Variants in GLB1 observed in about 807,000 individuals in gnomAD.
The protein encoded by GLB1 is beta-galactosidase.
Under a neutral mutation model 74.0 loss-of-function variants are expected in GLB1, and 56 were observed. The ratio of observed to expected loss-of-function variants is 0.76; its 90% CI spans 0.61 to 0.94. GLB1 has a LOEUF of 0.94. Among genes scored for constraint, GLB1 ranks in the 40% least tolerant of loss-of-function variants. The pLI is 0.00. For synonymous variants in GLB1, 323 were observed against 323.6 expected (o/e 1.00, Z 0.02); for missense variants, 787 against 845.5 (o/e 0.93, Z 0.86).
intron 14 of GLB1, among the ~76,000 whole-genome samples, chr3:33,014,924 G>A (rs958103299): frequency 3.3e-5 from 5 of 152,136 alleles, no homozygotes; most frequent in Non-Finnish European, 5.9e-5. Context: ...CTGAGATCGC[G>A]CCACTGTACT....
chr3:33,074,897 C>T (rs912004543), intron 1 of GLB1, among the ~76,000 whole-genome samples: 1 of 152,078 alleles, frequency 6.6e-6, no homozygotes, highest in Non-Finnish European at 1.5e-5. Context: ...ATCCAACTGG[C>T]GAGCGGAAGT....
At chr3:33,077,978 T>A (rs1204330081) in intron 1 of GLB1, among the ~76,000 whole-genome samples, 3 of 152,194 alleles carry the variant, frequency 2.0e-5, no homozygotes, top group Non-Finnish European at 2.9e-5. Context: ...GTAGGGCAAT[T>A]TGTCTTTAAG....
the GLB1 span, among the ~76,000 whole-genome samples, chr3:32,976,359 C>T: frequency 6.6e-6 from 1 of 152,234 alleles, no homozygotes; most frequent in African/African-American, 2.4e-5. Flanking sequence ...CCATCCTACT[C>T]TTTCCCCTCC....
intron 15 of GLB1, among the ~76,000 whole-genome samples, chr3:33,005,014 C>G (rs943880397): frequency 6.6e-6 from 1 of 152,124 alleles, no homozygotes; most frequent in African/African-American, 2.4e-5. Context: ...GACAGAGAAG[C>G]CTGAGAAGGA....
intron 12 of GLB1, among the ~76,000 whole-genome samples, chr3:33,019,629 C>A (rs1034389458): frequency 6.6e-6 from 1 of 152,164 alleles, no homozygotes; most frequent in African/African-American, 2.4e-5. Context: ...ACCACACAAA[C>A]CTTCTAGCGC....
chr3:32,997,087 T>C lies in GLB1; in HGVS notation c.1992A>G (p.Pro664=), dbSNP rs780675073. The C allele has an allele frequency of 4.3e-6, 7 of 1,613,362 alleles. No individual in the cohort carries two copies. In the East Asian group the frequency reaches 8.9e-5, roughly 21 times the overall value. ...SKPVEKRLMP[P]PPQKNKDSWL... is the part of the protein sequence containing the mutation. ...ATGAATCTTTGTTTTTTTGCGGGGGTGGGGGCATGAGTCTTTTTTCAACAG... is the reference window on the plus strand; with the variant it reads ...ATGAATCTTTGTTTTTTTGCGGGGGCGGGGGCATGAGTCTTTTTTCAACAG... Residue 664 remains proline (P), a synonymous_variant, in exon 16 of 16, where the codon CCA becomes CCG. Transcript: ENST00000307363.
At chr3:33,034,662 C>T in intron 10 of GLB1, 1 of 731,694 alleles carries the variant, frequency 1.4e-6, no homozygotes, top group Non-Finnish European at 2.6e-6. Context: ...TCCATCACAG[C>T]CAACATATTG....
At chr3:32,972,386 T>C in the GLB1 span, among the ~76,000 whole-genome samples, 1 of 152,196 alleles carries the variant, frequency 6.6e-6, no homozygotes, top group African/African-American at 2.4e-5. Context: ...CGAGCTGTCA[T>C]GGAAATCACA....
chr3:32,965,926 C>G, the GLB1 span, among the ~76,000 whole-genome samples: 1 of 152,186 alleles, frequency 6.6e-6, no homozygotes, highest in Non-Finnish European at 1.5e-5. Flanking sequence ...ACTGCAGGTG[C>G]ACAGAAGTCA....
chr3:33,059,706 GT>G (rs1214309756), intron 5 of GLB1, among the ~76,000 whole-genome samples: 1 of 152,198 alleles, frequency 6.6e-6, no homozygotes, highest in Non-Finnish European at 1.5e-5. Flanking sequence ...CACTGGCCAC[GT>G]GCTGTCTCCT....
intron 6 of GLB1, among the ~76,000 whole-genome samples, chr3:33,056,186 C>G (rs912996652): frequency 3.4e-5 from 4 of 119,004 alleles, no homozygotes; most frequent in Admixed American, 1.2e-4. Context: ...AGGATCGGGT[C>G]GTTGCACTCC....
intron 10 of GLB1, among the ~76,000 whole-genome samples, chr3:33,043,731 C>G (rs9845011): frequency 0.86 from 126,669 of 147,432 alleles, 55,090 homozygotes; most frequent in Admixed American, 0.93. Context: ...CACATGTAAA[C>G]AGAACAAAGG....
intron 9 of GLB1, among the ~76,000 whole-genome samples, chr3:33,048,772 G>A (rs1401269587): frequency 2.0e-5 from 3 of 152,266 alleles, no homozygotes; most frequent in South Asian, 4.1e-4. Flanking sequence ...GATCCAAAGC[G>A]CAGTGACTCT....
rs35480293 is a variant in GLB1, at chr3:33,045,903, C to A, written c.1068+217G>T. On this transcript the variant is annotated intron_variant, in intron 10 of 15. Transcript: ENST00000307363. ...TATTATATATTGCAGTTTTTAAATA[C>A]ATGTCTTATATCTCCTACTCTCCTA... 0.17 allele frequency: 135,608 copies of A among 810,626 alleles called. 14,392 individuals carry two copies. The highest frequency in any genetic ancestry group is 0.55 in the East Asian group (15,622 of 28,620). The allele number at this position is 810,626 out of a possible 1,614,324, so 50.2% of individuals were successfully genotyped here. A position where few individuals can be genotyped will look rare whatever the true frequency, so the allele number is the denominator to read the frequency against.
chr3:33,090,769 G>A, intron 1 of GLB1: 2 of 985,318 alleles, frequency 2.0e-6, no homozygotes, highest in Non-Finnish European at 2.4e-6. Context: ...CATACGAGAG[G>A]GTGTTGATGT....
At chr3:33,077,828 T>C (rs1272221971) in intron 1 of GLB1, among the ~76,000 whole-genome samples, 1 of 151,662 alleles carries the variant, frequency 6.6e-6, no homozygotes, top group Non-Finnish European at 1.5e-5. Flanking sequence ...TATATTTCAG[T>C]AAGTTATTTT....
chr3:33,082,310 G>A (rs1417503408), intron 1 of GLB1, among the ~76,000 whole-genome samples: 11 of 152,184 alleles, frequency 7.2e-5, no homozygotes, highest in Admixed American at 6.5e-4. Context: ...AAGTGGGATG[G>A]TTTTACATAA....
intron 10 of GLB1, among the ~76,000 whole-genome samples, chr3:33,029,006 G>C (rs1044060603): frequency 6.6e-6 from 1 of 151,980 alleles, no homozygotes; most frequent in Admixed American, 6.6e-5. Context: ...ATTCTGATCA[G>C]TGATATTAGC....
At chr3:33,053,593 A>G in intron 6 of GLB1, 44 bp from the exon 7 acceptor site, 1 of 1,613,436 alleles carries the variant, frequency 6.2e-7, no homozygotes, top group Non-Finnish European at 8.5e-7. Context: ...CGTGGAAATG[A>G]CAAGAAGTTA....
Sources: gnomAD v4.1 joint callset for allele counts (sites outside exome capture counted in the v4.1 genomes callset) on GRCh38, gnomAD v4.1.1 for gene constraint, MANE v1.5 for transcripts, NCBI Gene and HGNC (gene_info 2026-07-23, HGNC 2026-07-21) for gene names.